NEU4: variants seen among roughly 807,000 people sequenced by gnomAD.
NEU4 encodes the protein neuraminidase 4.
In NEU4, 7 loss-of-function variants were observed where a neutral mutation model predicts 9.9. The ratio of observed to expected loss-of-function variants is 0.71; its 90% confidence interval spans 0.40 to 1.33. The LOEUF (loss-of-function observed/expected upper bound fraction) is 1.33, where lower values mean the gene tolerates loss of function less well. NEU4 is among the 40% of genes most tolerant of loss of function. NEU4 has a pLI of 0.01. For synonymous variants in NEU4, 348 were observed against 316.9 expected (o/e 1.10, Z -1.04); for missense variants, 717 against 712.6 (o/e 1.01, Z -0.07).
In NEU4 at chr2:241,816,961, C is replaced by T. The variant is rs1293560894; in HGVS notation, c.1368C>T (p.Ser456=). 6.2e-7 allele frequency: 1 copy of T among 1,612,556 alleles called. No individual in the cohort carries two copies. Among genetic ancestry groups the T allele is most frequent in the African/African-American group, 1.3e-5 (1 of 74,898 alleles). The change falls in exon 4 of 4, where the codon TCC becomes TCT. Residue 456 remains serine, a synonymous_variant. Coordinates refer to ENST00000407683, the MANE Select transcript of NEU4 (RefSeq NM_001167600.3). ...ATGAGATTTCCTTTTGTACATTCTC[C>T]CTGCGTGAGGTCCTGGAGAACGTGC... The part of the protein sequence containing the change: ...SYDEISFCTF[S]LREVLENVPA...
At position 241,809,285 on chromosome 2, in the gene NEU4, T is replaced by C. The variant is rs1049775045; in HGVS notation, c.-4+11T>C. The C allele has an allele frequency of 7.8e-7, 1 of 1,285,876 alleles. No individual in the cohort carries two copies. The highest frequency in any genetic ancestry group is 1.0e-6 in the Non-Finnish European group (1 of 985,962). The allele number at this position is 1,285,876 out of a possible 1,614,324, so 79.7% of individuals were successfully genotyped here. A position where few individuals can be genotyped will look rare whatever the true frequency, so the allele number is the denominator to read the frequency against. Reference sequence around the variant, plus strand: ...CGGGAACTGAAACTGGTACGGTCTTTTTGAATAGAAATTTGGGGTCTTTCT... The same window carrying C: ...CGGGAACTGAAACTGGTACGGTCTTCTTGAATAGAAATTTGGGGTCTTTCT... On this transcript the variant is annotated intron_variant, in intron 1 of 3. Transcript: ENST00000407683.
rs374334674 is a variant in NEU4 at position 241,816,460 on chromosome 2, C to A, written c.867C>A (p.Asn289Lys). Reference sequence around the variant, plus strand: ...TGGGCTTCCCAGCCCCCGCCCCCAACAGGCCACGGGATGACAGTTGGTCAG... The same window carrying A: ...TGGGCTTCCCAGCCCCCGCCCCCAAAAGGCCACGGGATGACAGTTGGTCAG... ...SIVGFPAPAPNRPRDDSWSVG... is the reference protein window; with the variant it reads ...SIVGFPAPAPKRPRDDSWSVG... Residue 289 changes from asparagine to lysine, a missense_variant, in exon 4 of 4, where the codon AAC becomes AAA. By Grantham distance (94) the Asn-to-Lys change is moderately conservative (BLOSUM62 0). Coordinates refer to ENST00000407683, the MANE Select transcript of NEU4 (RefSeq NM_001167600.3). 6.2e-7 allele frequency: 1 copy of A among 1,609,452 alleles called. No individual in the cohort carries two copies. The highest frequency in any genetic ancestry group is 8.5e-7 in the Non-Finnish European group (1 of 1,178,952).
chr2:241,814,449 C>G (rs1396637978), intron 1 of NEU4, 33 bp from the exon 2 acceptor site: 1 of 1,593,692 alleles, frequency 6.3e-7, no homozygotes, highest in South Asian at 1.1e-5. Flanking sequence ...CTGGGCCTGT[C>G]TTGCTGACCT....
intron 1 of NEU4, among the ~76,000 whole-genome samples, chr2:241,813,070 C>G (rs1299319477): frequency 6.6e-6 from 1 of 152,310 alleles, no homozygotes. Flanking sequence ...AAGGGGCCGG[C>G]CAGCTGTCCT....
chr2:241,817,070 T>A lies in NEU4; in HGVS notation c.*22T>A, dbSNP rs762474062. 1 of 1,551,088 alleles carries A rather than the reference T, an allele frequency of 6.4e-7. No individual in the cohort carries two copies. The highest frequency in any genetic ancestry group is 1.3e-5 in the South Asian group (1 of 79,618). Reference sequence around the variant, plus strand: ...CTGACAGGCCTTCTGGCCGTGCCCATGCCCCTTGGGTGCCTGGGGCAGAGG... The same window carrying A: ...CTGACAGGCCTTCTGGCCGTGCCCAAGCCCCTTGGGTGCCTGGGGCAGAGG... On this transcript the variant is annotated 3_prime_UTR_variant, in exon 4 of 4. Coordinates refer to ENST00000407683, the MANE Select transcript of NEU4 (RefSeq NM_001167600.3).
At position 241,814,690 on chromosome 2, in the gene NEU4, G is replaced by C. The variant is rs773469564; in HGVS notation, c.201+5G>C. The C allele has an allele frequency of 3.9e-6, 6 of 1,543,692 alleles. No homozygotes were observed. The South Asian group carries it at 7.1e-5, about 18-fold the overall frequency. ...CTGGCCGGGGGCTCCGTGCGGGTGA[G>C]TGAGTGGCCGGGGGCTCTGTGTGGG... On this transcript the variant is annotated splice_donor_5th_base_variant and intron_variant, in intron 2 of 3. Transcript: ENST00000407683.
chr2:241,813,293 T>C, intron 1 of NEU4: 1 of 1,031,914 alleles, frequency 9.7e-7, no homozygotes, highest in Non-Finnish European at 1.2e-6. Context: ...AGGCGTGGTG[T>C]CCGGCATCCG....
Position 241,809,202 on chromosome 2 carries a change from G to A in NEU4, c.-76G>A, listed in dbSNP as rs534722352. ...CTCTGCCCTCAGCTTCACAGTCACCGAAGAAATGAAGTTACAGGAGGGGCA... is the reference window on the plus strand; with the variant it reads ...CTCTGCCCTCAGCTTCACAGTCACCAAAGAAATGAAGTTACAGGAGGGGCA... On this transcript the variant is annotated 5_prime_UTR_variant, in exon 1 of 4. Coordinates refer to ENST00000407683, the MANE Select transcript of NEU4 (RefSeq NM_001167600.3). 5.3e-5 allele frequency: 68 copies of A among 1,288,774 alleles called. No homozygotes were observed. Among genetic ancestry groups the A allele is most frequent in the Middle Eastern group, 2.1e-4 (1 of 4,688 alleles). The allele number at this position is 1,288,774 out of a possible 1,614,324, so 79.8% of individuals were successfully genotyped here. A position where few individuals can be genotyped will look rare whatever the true frequency, so the allele number is the denominator to read the frequency against.
At chr2:241,812,539 G>A (rs373924357) in intron 1 of NEU4, among the ~76,000 whole-genome samples, 6 of 63,336 alleles carry the variant, frequency 9.5e-5, no homozygotes, top group Admixed American at 2.4e-4. Flanking sequence ...CTGAGGACAC[G>A]GAGGCTCTGT....
At chr2:241,811,869 G>A (rs79180371) in intron 1 of NEU4, 3,876 of 195,846 alleles carry the variant, frequency 0.02, 153 homozygotes, top group African/African-American at 0.084. Context: ...TGAAGGGTCT[G>A]TGGTCGGAGT....
Position 241,816,740 on chromosome 2 carries a change from C to T in NEU4, c.1147C>T (p.Pro383Ser). The change falls in exon 4 of 4, where the codon CCA (proline) becomes TCA (serine). Residue 383 changes from proline (P) to serine (S), a missense_variant. By Grantham distance (74) the Pro-to-Ser change is moderately conservative (BLOSUM62 -1). Coordinates refer to ENST00000407683, the MANE Select transcript of NEU4 (RefSeq NM_001167600.3). ...CCCCACGTGGCTGCTGTACTCCCACCCAGTGGGGCGCAGGGCTCGGCTACA... is the reference window on the plus strand; with the variant it reads ...CCCCACGTGGCTGCTGTACTCCCACTCAGTGGGGCGCAGGGCTCGGCTACA... ...QSPTWLLYSH[P>S]VGRRARLHMG... 6.4e-7 allele frequency: 1 copy of T among 1,567,202 alleles called. No individual in the cohort carries two copies. Among genetic ancestry groups the T allele is most frequent in the Non-Finnish European group, 8.6e-7 (1 of 1,157,566 alleles).
intron 1 of NEU4, 150 bp downstream of exon 1, chr2:241,809,424 G>A (rs909917900): frequency 9.3e-5 from 37 of 396,318 alleles, no homozygotes; most frequent in African/African-American, 7.3e-4. Context: ...CCCATAAAAG[G>A]GGGACACAGA....
rs376015833 is a variant in NEU4, at chr2:241,814,600, T to C, written c.116T>C (p.Phe39Ser). 1.2e-6 allele frequency: 2 copies of C among 1,611,118 alleles called. No individual in the cohort carries two copies. Among genetic ancestry groups the C allele is most frequent in the Non-Finnish European group, 1.7e-6 (2 of 1,179,374 alleles). Reference protein sequence around the residue: ...PVPPGPTLLAFVEQRLSPDDS... With the variant: ...PVPPGPTLLASVEQRLSPDDS... Reference sequence around the variant, plus strand: ...CCCCCCGGGCCCACCCTGCTGGCCTTTGTGGAGCAGCGGCTCAGCCCTGAC... The same window carrying C: ...CCCCCCGGGCCCACCCTGCTGGCCTCTGTGGAGCAGCGGCTCAGCCCTGAC... Residue 39 changes from phenylalanine (F) to serine (S), a missense_variant, in exon 2 of 4, where the codon TTT becomes TCT. Transcript: ENST00000407683.
Position 241,816,105 on chromosome 2 carries a change from G to T in NEU4, c.512G>T (p.Arg171Leu), listed in dbSNP as rs1040662869. Residue 171 changes from arginine (R) to leucine (L), a missense_variant, in exon 4 of 4, where the codon CGC becomes CTC. By Grantham distance (102) the Arg-to-Leu change is moderately radical (BLOSUM62 -2). Coordinates refer to ENST00000407683, the MANE Select transcript of NEU4 (RefSeq NM_001167600.3). ...CACGGTGTGCAGCTGCCCTCAGGCCGCCTGCTGGTACCCGCCTACACCTAC... is the reference window on the plus strand; with the variant it reads ...CACGGTGTGCAGCTGCCCTCAGGCCTCCTGCTGGTACCCGCCTACACCTAC... ...PGHGVQLPSG[R>L]LLVPAYTYRV... 3 of 1,610,628 alleles carry T rather than the reference G, an allele frequency of 1.9e-6. No individual in the cohort carries two copies. In the Admixed American group the frequency reaches 5.0e-5, roughly 27 times the overall value.
chr2:241,816,193 C>T lies in NEU4; in HGVS notation c.600C>T (p.Phe200=). The change falls in exon 4 of 4, where the codon TTC becomes TTT. Residue 200 remains phenylalanine (F), a synonymous_variant. Transcript: ENST00000407683. The stretch of plus-strand genomic sequence containing the variant: ...GGACCAGCCCTCACTCCTTCGCCTT[C>T]TACAGCGATGACCACGGCCGCACCT... ...ICRTSPHSFA[F]YSDDHGRTWR... 2 of 1,612,662 alleles carry T rather than the reference C, an allele frequency of 1.2e-6. No individual in the cohort carries two copies. Among genetic ancestry groups the T allele is most frequent in the Non-Finnish European group, 1.7e-6 (2 of 1,179,846 alleles).
At chr2:241,811,013 G>C (rs1201956740) in intron 1 of NEU4, 1 of 1,041,568 alleles carries the variant, frequency 9.6e-7, no homozygotes, top group East Asian at 7.4e-5. Context: ...GGGCTGTGCT[G>C]TGCCAGGGGA....
chr2:241,813,702 C>A, intron 1 of NEU4: 1 of 458,570 alleles, frequency 2.2e-6, no homozygotes, highest in Non-Finnish European at 4.3e-6. Context: ...GCACCAGGCA[C>A]TGGAATGAGG....
At position 241,816,786 on chromosome 2, in the gene NEU4, A is replaced by G. The variant is rs1338950083; in HGVS notation, c.1193A>G (p.Gln398Arg). 4 of 1,594,428 alleles carry G rather than the reference A, an allele frequency of 2.5e-6. No individual in the cohort carries two copies. In the African/African-American group the frequency reaches 5.4e-5, roughly 21 times the overall value. Reference sequence around the variant, plus strand: ...CTACACATGGGTATCCGCCTGAGCCAGTCCCCGCTGGACCCGCGCAGCTGG... The same window carrying G: ...CTACACATGGGTATCCGCCTGAGCCGGTCCCCGCTGGACCCGCGCAGCTGG... ...ARLHMGIRLS[Q>R]SPLDPRSWTE... Residue 398 changes from glutamine to arginine, a missense_variant, in exon 4 of 4, where the codon CAG (glutamine) becomes CGG (arginine). Physicochemically the swap from Gln to Arg is conservative, Grantham distance 43. Coordinates refer to ENST00000407683, the MANE Select transcript of NEU4 (RefSeq NM_001167600.3).
At chr2:241,811,360 C>T in intron 1 of NEU4, 1 of 1,462,342 alleles carries the variant, frequency 6.8e-7, no homozygotes. Flanking sequence ...GAGACGTGGC[C>T]AGCTCCCTGG....
Sources: gnomAD v4.1 joint callset for allele counts (sites outside exome capture counted in the v4.1 genomes callset) on GRCh38, gnomAD v4.1.1 for gene constraint, MANE v1.5 for transcripts, NCBI Gene and HGNC (gene_info 2026-07-23, HGNC 2026-07-21) for gene names.